PLCB1: variants seen among roughly 807,000 people sequenced by gnomAD.
The protein encoded by PLCB1 is 1-phosphatidylinositol 4,5-bisphosphate phosphodiesterase beta-1.
PLCB1 carries 46 observed loss-of-function variants against 161.8 expected under a neutral mutation model. That is an observed-to-expected ratio of 0.28 (90% CI 0.22 to 0.36). The LOEUF (loss-of-function observed/expected upper bound fraction) is 0.36, where lower values mean the gene tolerates loss of function less well. Ranked by LOEUF, PLCB1 falls within the 10% of genes least tolerant of loss-of-function variation. The pLI is 1.00. For missense variants in PLCB1, 1,016 were observed against 1,472.5 expected (o/e 0.69, Z 5.07); for synonymous variants, 517 against 503.7 (o/e 1.03, Z -0.35).
At chr20:8,323,708 G>A (rs1985016034) in intron 2 of PLCB1, among the ~76,000 whole-genome samples, 1 of 152,002 alleles carries the variant, frequency 6.6e-6, no homozygotes, top group South Asian at 2.1e-4. Context: ...TCAAGGAAGG[G>A]GCATCGATTT....
intron 2 of PLCB1, among the ~76,000 whole-genome samples, chr20:8,241,046 T>C (rs998356484): frequency 1.3e-5 from 2 of 152,030 alleles, no homozygotes; most frequent in Admixed American, 6.6e-5. Context: ...TTCCAGGTTA[T>C]GTGATCCTGT....
At chr20:8,695,427 T>G (rs1388583056) in intron 10 of PLCB1, among the ~76,000 whole-genome samples, 1 of 152,176 alleles carries the variant, frequency 6.6e-6, no homozygotes, top group East Asian at 1.9e-4. Context: ...GTAGGCCAAA[T>G]GTGGTGGTTT....
At chr20:8,218,380 T>G in intron 2 of PLCB1, among the ~76,000 whole-genome samples, 1 of 152,058 alleles carries the variant, frequency 6.6e-6, no homozygotes, top group East Asian at 1.9e-4. Flanking sequence ...TATAACAAAC[T>G]TGCCTCTTTT....
Position 8,138,226 on chromosome 20 carries a change from T to C in PLCB1, c.99+5476T>C, listed in dbSNP as rs1305242515. 5.3e-5 allele frequency among the ~76,000 whole-genome samples: 8 copies of C among 152,376 alleles called. No individual in the cohort carries two copies. The South Asian group carries it at 1.0e-3, about 20-fold the overall frequency. Reference sequence around the variant, plus strand: ...AATTTGCAGTGGCTATTAGTTTCATTTGAAAGTTTAGCCTATCAGTAAATA... The same window carrying C: ...AATTTGCAGTGGCTATTAGTTTCATCTGAAAGTTTAGCCTATCAGTAAATA... On this transcript the variant is annotated intron_variant, in intron 1 of 31. Coordinates refer to ENST00000338037, the MANE Select transcript of PLCB1 (RefSeq NM_015192.4).
At chr20:8,340,081 G>A (rs1217949847) in intron 2 of PLCB1, among the ~76,000 whole-genome samples, 1 of 152,168 alleles carries the variant, frequency 6.6e-6, no homozygotes, top group Admixed American at 6.5e-5. Flanking sequence ...AACCCCTCCT[G>A]TTGTACTTCC....
chr20:8,665,823 G>T (rs1403156981), intron 9 of PLCB1, among the ~76,000 whole-genome samples: 2 of 152,134 alleles, frequency 1.3e-5, no homozygotes, highest in Admixed American at 1.3e-4. Context: ...CCTAATTAAA[G>T]AAATAGGCTG....
chr20:8,656,435 A>G (rs8116799), intron 7 of PLCB1, among the ~76,000 whole-genome samples: 6,950 of 152,150 alleles, frequency 0.046, 530 homozygotes, highest in African/African-American at 0.16. Flanking sequence ...TAATCACATT[A>G]ACACATACCT....
At chr20:8,541,596 G>GAAAGAAAGAAATAAAT (rs1555769066) in intron 3 of PLCB1, among the ~76,000 whole-genome samples, 1 of 150,426 alleles carries the variant, frequency 6.6e-6, no homozygotes, top group African/African-American at 2.5e-5. Context: ...AAGAAAGAAA[G>GAAAGAAAGAAATAAAT]AAAGAAAGAA....
intron 2 of PLCB1, among the ~76,000 whole-genome samples, chr20:8,159,940 A>G (rs1263526028): frequency 1.4e-5 from 2 of 143,212 alleles, no homozygotes; most frequent in African/African-American, 5.2e-5. Flanking sequence ...GTGAGCCAAG[A>G]TCGTGCCATT....
At chr20:8,227,759 C>A (rs1385183087) in intron 2 of PLCB1, among the ~76,000 whole-genome samples, 2 of 152,126 alleles carry the variant, frequency 1.3e-5, no homozygotes, top group East Asian at 3.8e-4. Context: ...AGGACTGAAG[C>A]TCGGGAATGG....
intron 3 of PLCB1, among the ~76,000 whole-genome samples, chr20:8,605,610 CTTT>C (rs74685527): frequency 6.8e-5 from 6 of 88,284 alleles, no homozygotes; most frequent in East Asian, 3.8e-4. Flanking sequence ...TTGGTGTTTT[CTTT>C]TTTTTTTTTT....
At chr20:8,198,954 A>G (rs2052059287) in intron 2 of PLCB1, among the ~76,000 whole-genome samples, 1 of 150,636 alleles carries the variant, frequency 6.6e-6, no homozygotes, top group South Asian at 2.1e-4. Flanking sequence ...ACAGACAGAC[A>G]CACACACACA....
At chr20:8,394,409 G>A (rs1987702032) in intron 3 of PLCB1, among the ~76,000 whole-genome samples, 1 of 152,184 alleles carries the variant, frequency 6.6e-6, no homozygotes, top group Admixed American at 6.5e-5. Flanking sequence ...TGTGCAGAAA[G>A]AAAGAAGTCT....
intron 3 of PLCB1, among the ~76,000 whole-genome samples, chr20:8,385,367 C>A (rs1450648641): frequency 1.3e-5 from 2 of 152,178 alleles, no homozygotes; most frequent in Non-Finnish European, 2.9e-5. Context: ...AGCTGCCCAG[C>A]CTTCCTGGCC....
intron 27 of PLCB1, among the ~76,000 whole-genome samples, chr20:8,784,486 C>G (rs958629217): frequency 1.3e-5 from 2 of 151,652 alleles, no homozygotes; most frequent in African/African-American, 4.8e-5. Context: ...TCCCTTGAAT[C>G]CAGGAAGTGG....
intron 16 of PLCB1, among the ~76,000 whole-genome samples, chr20:8,726,440 A>C (rs955534616): frequency 6.6e-6 from 1 of 152,068 alleles, no homozygotes; most frequent in Non-Finnish European, 1.5e-5. Flanking sequence ...AGACTGGGTA[A>C]TTTGTAAAGA....
chr20:8,482,050 CAT>C (rs916030818), intron 3 of PLCB1, among the ~76,000 whole-genome samples: 17 of 145,074 alleles, frequency 1.2e-4, no homozygotes, highest in Non-Finnish European at 2.1e-4. Context: ...TTTAATAAAA[CAT>C]ATGTTTCTCT....
chr20:8,268,497 G>A (rs1283414082), intron 2 of PLCB1, among the ~76,000 whole-genome samples: 1 of 152,122 alleles, frequency 6.6e-6, no homozygotes, highest in African/African-American at 2.4e-5. Flanking sequence ...TGGGATGGCT[G>A]GATCAAATGG....
At chr20:8,666,670 C>T (rs1200291027) in intron 9 of PLCB1, among the ~76,000 whole-genome samples, 2 of 152,216 alleles carry the variant, frequency 1.3e-5, no homozygotes, top group African/African-American at 2.4e-5. Context: ...CCTAGGCACT[C>T]CAACAGGACT....
Sources: gnomAD v4.1 joint callset for allele counts (sites outside exome capture counted in the v4.1 genomes callset) on GRCh38, gnomAD v4.1.1 for gene constraint, MANE v1.5 for transcripts, NCBI Gene and HGNC (gene_info 2026-07-23, HGNC 2026-07-21) for gene names.